Variants in ETHE1 observed in about 807,000 individuals in gnomAD.
ETHE1 encodes the protein persulfide dioxygenase ETHE1, mitochondrial.
Under a neutral mutation model 25.7 loss-of-function variants are expected in ETHE1, and 16 were observed. The observed-to-expected ratio is 0.62, with a 90% CI of 0.42 to 0.95. The LOEUF (loss-of-function observed/expected upper bound fraction) is 0.95, where lower values mean the gene tolerates loss of function less well. Ranked by LOEUF, ETHE1 falls within the 40% of genes least tolerant of loss-of-function variation. ETHE1 has a pLI of 0.00. For synonymous variants in ETHE1, 139 were observed against 135.9 expected (o/e 1.02, Z -0.16); for missense variants, 300 against 333.6 (o/e 0.90, Z 0.79).
At chr19:43,519,399 T>C (rs945131499) in intron 3 of ETHE1, among the ~76,000 whole-genome samples, 5 of 152,144 alleles carry the variant, frequency 3.3e-5, no homozygotes, top group African/African-American at 1.2e-4. Context: ...GGGGAACATA[T>C]AACATCTTGA....
At chr19:43,509,522 G>A (rs567023108) in intron 4 of ETHE1, among the ~76,000 whole-genome samples, 1 of 147,018 alleles carries the variant, frequency 6.8e-6, no homozygotes, top group South Asian at 2.2e-4. Context: ...AAGGCTGGGC[G>A]CGGTGGCTCA....
In ETHE1 at chr19:43,509,783, G is replaced by A. The variant is rs183650579; in HGVS notation, c.506-919C>T. ...TGCACTCCAGCCTGGGCGACAGAGCGAGACTCCGTCTCAAAAAAAAGAAGA... is the reference window on the plus strand; with the variant it reads ...TGCACTCCAGCCTGGGCGACAGAGCAAGACTCCGTCTCAAAAAAAAGAAGA... On this transcript the variant is annotated intron_variant, in intron 4 of 6. Coordinates refer to ENST00000292147, the MANE Select transcript of ETHE1 (RefSeq NM_014297.5). 2.7e-3 allele frequency among the ~76,000 whole-genome samples: 413 copies of A among 152,222 alleles called. 7 individuals are homozygous for A. Among genetic ancestry groups the A allele is most frequent in the African/African-American group, 9.1e-3 (378 of 41,540 alleles).
chr19:43,507,454 C>T (rs1225299012), intron 6 of ETHE1, among the ~76,000 whole-genome samples: 1 of 113,614 alleles, frequency 8.8e-6, no homozygotes, highest in Non-Finnish European at 1.8e-5. Flanking sequence ...GTCCCTCCTC[C>T]CTCAGATCCA....
intron 3 of ETHE1, among the ~76,000 whole-genome samples, chr19:43,520,146 C>T (rs1313521692): frequency 4.6e-5 from 7 of 151,414 alleles, no homozygotes; most frequent in Non-Finnish European, 7.4e-5. Context: ...GTCAGGAGTT[C>T]GAGACCAGCC....
rs937232430 is a variant in ETHE1, at chr19:43,526,092, G to T, written c.375+109C>A. 5.8e-6 allele frequency: 9 copies of T among 1,552,434 alleles called. No individual in the cohort carries two copies. The African/African-American group carries it at 1.1e-4, about 19-fold the overall frequency. On this transcript the variant is annotated intron_variant, in intron 3 of 6. Transcript: ENST00000292147. ...CTCAGGGGTCAGAAACCCAGGTCCT[G>T]AGGTCCCTCCTCCCCAAGGACTCAG...
Position 43,511,555 on chromosome 19 carries a change from G to A in ETHE1, c.387C>T (p.Thr129=), listed in dbSNP as rs528898300. Residue 129 remains threonine, a synonymous_variant, in exon 4 of 7, where the codon ACC becomes ACT. Coordinates refer to ENST00000292147, the MANE Select transcript of ETHE1 (RefSeq NM_014297.5). ...CTGGGGTGTGGCCAGGGCTGGCCCT[G>A]GTCTCCAACGCCTGGCAGGGGTGGA... ...SIRFGRFALE[T]RASPGHTPGC... 2 of 1,613,476 alleles carry A rather than the reference G, an allele frequency of 1.2e-6. No homozygotes were observed. The highest frequency in any genetic ancestry group is 2.7e-5 in the African/African-American group (2 of 74,894).
chr19:43,510,081 T>A (rs1431458521), intron 4 of ETHE1, among the ~76,000 whole-genome samples: 2 of 152,052 alleles, frequency 1.3e-5, no homozygotes, highest in Non-Finnish European at 2.9e-5. Context: ...TCCACGGCCA[T>A]CTCATCATGG....
chr19:43,517,086 T>C (rs1452604053), intron 3 of ETHE1, among the ~76,000 whole-genome samples: 1 of 151,482 alleles, frequency 6.6e-6, no homozygotes, highest in African/African-American at 2.4e-5. Flanking sequence ...AGCCTCTCAA[T>C]GTGCTGGGAT....
rs751198155 is a variant in ETHE1 at position 43,518,995 on chromosome 19, GCTT to G, written c.375+7203_375+7205del. ...TGCTCTGATGGCTGATGAAATTTGT[GCTT>G]GTTTTTTTTTTTTTTTTTTTTTTTT... is the stretch of plus-strand genomic sequence containing the variant. On this transcript the variant is annotated intron_variant, in intron 3 of 6. Transcript: ENST00000292147. 5.4e-3 allele frequency among the ~76,000 whole-genome samples: 582 copies of G among 106,938 alleles called. 5 individuals are homozygous for G. Among genetic ancestry groups the G allele is most frequent in the Middle Eastern group, 0.012 (2 of 168 alleles). 70.2% of individuals were successfully genotyped at this position (106,938 alleles called of 152,430 possible).
Position 43,527,154 on chromosome 19 carries a change from G to T in ETHE1, c.24C>A (p.Val8=). ...CGCGCTGGCTCAGCTGCCGCCGGGC[G>T]ACCCTCAGTACAGCCTCCGCCATCG... MAEAVLR[V]ARRQLSQRGG... is the part of the protein sequence containing the mutation. The change falls in exon 1 of 7, where the codon GTC becomes GTA. Residue 8 remains valine (V), a synonymous_variant. Coordinates refer to ENST00000292147, the MANE Select transcript of ETHE1 (RefSeq NM_014297.5). 6.5e-7 allele frequency: 1 copy of T among 1,545,520 alleles called. No individual in the cohort carries two copies.
chr19:43,522,630 C>G (rs372731076), intron 3 of ETHE1, among the ~76,000 whole-genome samples: 212 of 152,152 alleles, frequency 1.4e-3, no homozygotes, highest in African/African-American at 5.0e-3. Context: ...TACAGGCACA[C>G]CCCACCACGC....
chr19:43,525,047 A>G (rs939260854), intron 3 of ETHE1, among the ~76,000 whole-genome samples: 2 of 148,298 alleles, frequency 1.3e-5, no homozygotes, highest in African/African-American at 5.0e-5. Context: ...CAGGGAGGCT[A>G]AGGTGGGAGG....
At position 43,527,167 on chromosome 19, in the gene ETHE1, G is replaced by A. The variant is rs549901509; in HGVS notation, c.11C>T (p.Ala4Val). 4.5e-6 allele frequency: 7 copies of A among 1,540,832 alleles called. No homozygotes were observed. The African/African-American group carries it at 8.2e-5, about 18-fold the overall frequency. Residue 4 changes from alanine to valine, a missense_variant, in exon 1 of 7, where the codon GCT (alanine) becomes GTT (valine). Ala to Val is a moderately conservative substitution (Grantham distance 64). Coordinates refer to ENST00000292147, the MANE Select transcript of ETHE1 (RefSeq NM_014297.5). MAE[A>V]VLRVARRQLS... ...CTGCCGCCGGGCGACCCTCAGTACA[G>A]CCTCCGCCATCGCGCCCACTGCGGG... is the stretch of plus-strand genomic sequence containing the variant.
At chr19:43,526,845 TC>T (rs1972261938) in intron 1 of ETHE1, 186 bp from the exon 2 acceptor site, 1 of 1,482,380 alleles carries the variant, frequency 6.7e-7, no homozygotes, top group African/African-American at 1.4e-5. Flanking sequence ...AGTTCCAACT[TC>T]CTAACATCCC....
intron 3 of ETHE1, chr19:43,525,891 C>T: frequency 2.3e-6 from 1 of 440,746 alleles, no homozygotes; most frequent in Non-Finnish European, 4.2e-6. Context: ...AGAATTCCAG[C>T]CCCTAATCAA....
Position 43,506,844 on chromosome 19 carries a change from G to T in ETHE1, c.*6C>A. 1 of 1,613,294 alleles carries T rather than the reference G, an allele frequency of 6.2e-7. No homozygotes were observed. The highest frequency in any genetic ancestry group is 1.1e-5 in the South Asian group (1 of 91,060). On this transcript the variant is annotated 3_prime_UTR_variant, in exon 7 of 7. Transcript: ENST00000292147. The stretch of plus-strand genomic sequence containing the variant: ...TAGTGGATGGGAGCATCTGACAGAA[G>T]TGAGATCAGGCAGTGGGTGTCTGCA...
chr19:43,512,787 A>C (rs1971943846), intron 3 of ETHE1, among the ~76,000 whole-genome samples: 1 of 152,258 alleles, frequency 6.6e-6, no homozygotes, highest in Non-Finnish European at 1.5e-5. Context: ...AGCCTGCTGC[A>C]GAAATTTGTA....
At chr19:43,511,647 C>A in intron 3 of ETHE1, 81 bp from the exon 4 acceptor site, 1 of 1,518,574 alleles carries the variant, frequency 6.6e-7, no homozygotes, top group Admixed American at 1.8e-5. Flanking sequence ...CACCCTACCC[C>A]AGGGTCTTAT....
chr19:43,522,990 C>CTT (rs1972165539), intron 3 of ETHE1, among the ~76,000 whole-genome samples: 5 of 152,186 alleles, frequency 3.3e-5, no homozygotes, highest in Admixed American at 2.0e-4. Flanking sequence ...AAGGAAAGAA[C>CTT]TCCAAGTATA....
Sources: gnomAD v4.1 joint callset for allele counts (sites outside exome capture counted in the v4.1 genomes callset) on GRCh38, gnomAD v4.1.1 for gene constraint, MANE v1.5 for transcripts, NCBI Gene and HGNC (gene_info 2026-07-23, HGNC 2026-07-21) for gene names.